Variants in CNTN6 observed in about 807,000 individuals in gnomAD.
CNTN6 encodes the protein contactin 6.
A neutral mutation model predicts 122.8 loss-of-function variants in CNTN6; 137 were observed. That is an observed-to-expected ratio of 1.12 (90% confidence interval 0.97 to 1.29). The LOEUF is 1.29. Ranked by LOEUF, CNTN6 falls within the 50% of genes most tolerant of loss-of-function variation. The pLI, the probability that CNTN6 is intolerant of heterozygous loss-of-function variation, is 0.00. For missense variants in CNTN6, 1,634 were observed against 1,223.4 expected (o/e 1.34, Z -5.01); for synonymous variants, 570 against 426.0 (o/e 1.34, Z -4.16).
intron 11 of CNTN6, among the ~76,000 whole-genome samples, chr3:1,347,824 T>C (rs1164063165): frequency 1.3e-5 from 2 of 152,098 alleles, no homozygotes; most frequent in Non-Finnish European, 2.9e-5. Flanking sequence ...GACAAGAGGT[T>C]GCATGAATTC....
chr3:1,284,239 T>G (rs778342482), intron 5 of CNTN6, among the ~76,000 whole-genome samples: 5 of 152,162 alleles, frequency 3.3e-5, no homozygotes, highest in Non-Finnish European at 5.9e-5. Flanking sequence ...ACAATTCCAC[T>G]TAAATTAAAA....
At chr3:1,109,802 G>A (rs539425520) in intron 1 of CNTN6, among the ~76,000 whole-genome samples, 2 of 152,004 alleles carry the variant, frequency 1.3e-5, no homozygotes, top group African/African-American at 4.8e-5. Context: ...TTTTGTGTGT[G>A]TATACAACCT....
intron 16 of CNTN6, among the ~76,000 whole-genome samples, chr3:1,375,845 T>C (rs955658535): frequency 5.9e-5 from 9 of 152,118 alleles, no homozygotes; most frequent in Non-Finnish European, 1.2e-4. Flanking sequence ...AATCAGATTA[T>C]CATATGACTA....
At chr3:1,385,585 T>C in intron 19 of CNTN6, 26 bp from the exon 20 acceptor site, 1 of 1,554,628 alleles carries the variant, frequency 6.4e-7, no homozygotes. Flanking sequence ...AACAATAAAT[T>C]GCTTGTTTTG....
chr3:1,237,339 A>AAAC (rs1409356475), intron 4 of CNTN6, among the ~76,000 whole-genome samples: 3 of 152,026 alleles, frequency 2.0e-5, no homozygotes, highest in African/African-American at 7.2e-5. Context: ...CATCAAAGAC[A>AAAC]AACAATAATA....
intron 2 of CNTN6, among the ~76,000 whole-genome samples, chr3:1,198,378 A>T (rs2093808724): frequency 6.6e-6 from 1 of 152,168 alleles, no homozygotes; most frequent in South Asian, 2.1e-4. Flanking sequence ...CCTTTAACCT[A>T]ATTTTTCAAA....
rs577064292 is a variant in CNTN6, at chr3:1,295,693, A to G, written c.547A>G (p.Ile183Val). The change falls in exon 6 of 23, where the codon ATT becomes GTT. Residue 183 changes from isoleucine to valine, a missense_variant. Ile to Val is a conservative substitution (Grantham distance 29, BLOSUM62 3). Coordinates refer to ENST00000446702, the MANE Select transcript of CNTN6 (RefSeq NM_001289080.2). ...ATCTCAAGAGACGGGAAACTTGTAC[A>G]TTGCCAAAGTGGAACCATCAGATGT... is the stretch of plus-strand genomic sequence containing the variant. ...FVSQETGNLY[I>V]AKVEPSDVGN... 5.3e-5 allele frequency: 85 copies of G among 1,613,974 alleles called. No individual in the cohort carries two copies. The highest frequency in any genetic ancestry group is 7.0e-5 in the Non-Finnish European group (83 of 1,179,946).
intron 2 of CNTN6, among the ~76,000 whole-genome samples, chr3:1,193,389 G>T (rs544886730): frequency 1.2e-4 from 18 of 152,248 alleles, no homozygotes; most frequent in African/African-American, 4.3e-4. Flanking sequence ...TTAGTTATAT[G>T]ATCTTTGATA....
intron 20 of CNTN6, among the ~76,000 whole-genome samples, chr3:1,396,829 C>G (rs1366282090): frequency 2.0e-5 from 3 of 152,154 alleles, no homozygotes; most frequent in African/African-American, 7.2e-5. Context: ...ATTCCAGGTG[C>G]TATTCCTGTA....
chr3:1,244,176 G>A (rs1365456936), intron 4 of CNTN6, among the ~76,000 whole-genome samples: 2 of 152,174 alleles, frequency 1.3e-5, no homozygotes, highest in Non-Finnish European at 2.9e-5. Context: ...TAGGTCAGGT[G>A]TGTGTTGAAG....
intron 4 of CNTN6, among the ~76,000 whole-genome samples, chr3:1,256,439 G>C (rs527825914): frequency 6.6e-6 from 1 of 152,022 alleles, no homozygotes; most frequent in African/African-American, 2.4e-5. Flanking sequence ...ATGGATAATT[G>C]ATATTTATTA....
chr3:1,104,767 G>C (rs937953848), intron 1 of CNTN6, among the ~76,000 whole-genome samples: 2 of 151,996 alleles, frequency 1.3e-5, no homozygotes, highest in Non-Finnish European at 1.5e-5. Context: ...GCGTGTGTGT[G>C]CATTTAAAAT....
chr3:1,344,538 G>A (rs770615251), intron 11 of CNTN6, among the ~76,000 whole-genome samples: 2 of 152,178 alleles, frequency 1.3e-5, no homozygotes, highest in Non-Finnish European at 2.9e-5. Flanking sequence ...GTTTTGGAGG[G>A]TGAATGGGAT....
At chr3:1,170,914 G>A (rs1439758973) in intron 2 of CNTN6, among the ~76,000 whole-genome samples, 1 of 152,110 alleles carries the variant, frequency 6.6e-6, no homozygotes, top group Non-Finnish European at 1.5e-5. Context: ...CCATAGAGTG[G>A]GTTTTATATA....
intron 9 of CNTN6, among the ~76,000 whole-genome samples, chr3:1,326,783 C>T: frequency 6.6e-6 from 1 of 151,830 alleles, no homozygotes; most frequent in East Asian, 1.9e-4. Context: ...TCCTGCATGC[C>T]TTTTGCATAT....
chr3:1,205,529 A>G (rs2093945981), intron 2 of CNTN6, among the ~76,000 whole-genome samples: 1 of 152,164 alleles, frequency 6.6e-6, no homozygotes, highest in Admixed American at 6.5e-5. Context: ...CCTTTTACAA[A>G]GCAATGCCAT....
intron 7 of CNTN6, among the ~76,000 whole-genome samples, chr3:1,303,576 C>A (rs1559764753): frequency 2.6e-5 from 4 of 152,154 alleles, no homozygotes; most frequent in African/African-American, 7.2e-5. Flanking sequence ...AGCTGTAATT[C>A]TCTGCACTGT....
intron 11 of CNTN6, among the ~76,000 whole-genome samples, chr3:1,350,585 CCTA>C (rs1450866035): frequency 6.6e-6 from 1 of 151,772 alleles, no homozygotes; most frequent in African/African-American, 2.4e-5. Flanking sequence ...ACATTGAAGA[CCTA>C]CTGAGCCTGA....
At chr3:1,357,252 A>T (rs1290628415) in intron 12 of CNTN6, among the ~76,000 whole-genome samples, 1 of 151,902 alleles carries the variant, frequency 6.6e-6, no homozygotes, top group Non-Finnish European at 1.5e-5. Context: ...GGTTTATGCC[A>T]GTTGAAGGAG....
Sources: gnomAD v4.1 joint callset for allele counts (sites outside exome capture counted in the v4.1 genomes callset) on GRCh38, gnomAD v4.1.1 for gene constraint, MANE v1.5 for transcripts, NCBI Gene and HGNC (gene_info 2026-07-23, HGNC 2026-07-21) for gene names.